Variants in TANC2 observed in about 807,000 individuals in gnomAD.
TANC2 encodes the protein tetratricopeptide repeat, ankyrin repeat and coiled-coil containing 2, also known as protein TANC2.
Under a neutral mutation model 210.5 loss-of-function variants are expected in TANC2, and 26 were observed. That is an observed-to-expected ratio of 0.12 (90% CI 0.09 to 0.17). The LOEUF is 0.17. Among genes scored for constraint, TANC2 ranks in the 10% least tolerant of loss-of-function variants. TANC2 has a pLI of 1.00. For synonymous variants in TANC2, 931 were observed against 967.1 expected, an observed-to-expected ratio of 0.96 and a Z score of 0.69; for missense variants, 2,129 against 2,608.9, an observed-to-expected ratio of 0.82 and a Z score of 4.01.
rs191216120 is a variant in TANC2, at chr17:63,186,845, A to T, written c.434-7146A>T. Among the ~76,000 whole-genome samples the T allele has an allele frequency of 3.0e-3, 458 of 152,334 alleles. 1 individual carries two copies. The highest frequency in any genetic ancestry group is 0.011 in the African/African-American group (440 of 41,578). ...AATTTAAATAGTTTTAATCAGCATA[A>T]TGCATGAGTGCTGTATGATTTATTT... On this transcript the variant is annotated intron_variant, in intron 5 of 27. Transcript: ENST00000689528.
chr17:63,237,967 C>A, exon 8 of TANC2: 1 of 1,587,308 alleles, frequency 6.3e-7, no homozygotes, highest in Non-Finnish European at 8.6e-7. Flanking sequence ...AACATGACTG[C>A]TTCCACCTAT....
intron 3 of TANC2, among the ~76,000 whole-genome samples, chr17:63,076,809 T>C (rs552925942): frequency 2.7e-4 from 41 of 152,188 alleles, no homozygotes; most frequent in African/African-American, 9.4e-4. Context: ...AAAAGCTTCG[T>C]AGAATTATCA....
intron 2 of TANC2, among the ~76,000 whole-genome samples, chr17:63,061,411 G>T (rs538014774): frequency 3.3e-5 from 5 of 151,958 alleles, no homozygotes; most frequent in Non-Finnish European, 7.4e-5. Flanking sequence ...TTACATGATA[G>T]TTTTGCTTAA....
At chr17:63,185,631 C>G (rs1346130048) in intron 5 of TANC2, among the ~76,000 whole-genome samples, 1 of 152,194 alleles carries the variant, frequency 6.6e-6, no homozygotes, top group African/African-American at 2.4e-5. Flanking sequence ...ATCAGCACAG[C>G]AGTGTTTCAG....
intron 17 of TANC2, among the ~76,000 whole-genome samples, chr17:63,394,213 T>C (rs1421989737): frequency 3.9e-5 from 6 of 152,248 alleles, no homozygotes; most frequent in Admixed American, 2.6e-4. Context: ...TTTATTGATA[T>C]TGCTATGAAG....
At chr17:63,178,875 A>G (rs2040682706) in intron 5 of TANC2, among the ~76,000 whole-genome samples, 1 of 152,220 alleles carries the variant, frequency 6.6e-6, no homozygotes, top group African/African-American at 2.4e-5. Flanking sequence ...ATTTGGATAC[A>G]TTGGCTATTA....
intron 4 of TANC2, among the ~76,000 whole-genome samples, chr17:63,146,691 A>C (rs1206698195): frequency 6.6e-6 from 1 of 152,158 alleles, no homozygotes; most frequent in Non-Finnish European, 1.5e-5. Flanking sequence ...TACTAAAGAC[A>C]ATACCTCAGT....
At chr17:63,009,099 T>G (rs918549764) in intron 1 of TANC2, among the ~76,000 whole-genome samples, 14 of 152,104 alleles carry the variant, frequency 9.2e-5, no homozygotes, top group African/African-American at 3.4e-4. Flanking sequence ...TAAACATAGT[T>G]AATTATCTTT....
chr17:63,087,011 G>T (rs369724803), intron 3 of TANC2, among the ~76,000 whole-genome samples: 16 of 152,294 alleles, frequency 1.1e-4, no homozygotes, highest in African/African-American at 3.9e-4. Flanking sequence ...GTCCCTTTCT[G>T]TGCTGTGGAA....
intron 8 of TANC2, among the ~76,000 whole-genome samples, chr17:63,254,020 A>G (rs1471634248): frequency 6.6e-6 from 1 of 152,100 alleles, no homozygotes; most frequent in Non-Finnish European, 1.5e-5. Flanking sequence ...TTCTATTTCT[A>G]TAAAGAATGT....
intron 4 of TANC2, among the ~76,000 whole-genome samples, chr17:63,105,028 A>G (rs868561562): frequency 6.6e-6 from 1 of 151,620 alleles, no homozygotes; most frequent in African/African-American, 2.4e-5. Flanking sequence ...CTAAATTATT[A>G]TTATAGTTTC....
rs201832911 is a variant in TANC2, at chr17:63,421,792, G to A, written c.6062G>A (p.Arg2021Gln). The change falls in exon 28 of 28, where the codon CGA becomes CAA. Residue 2021 changes from arginine (R) to glutamine (Q), a missense_variant. Coordinates refer to ENST00000689528, the Ensembl canonical transcript of TANC2. The surrounding 1 kb of genome is among the most constrained non-coding windows in gnomAD (Gnocchi z 6.9). ...GGGTCTCGTGGAGACCTCTTGGAGC[G>A]AGTCAGCCAGGCCTCCTCCTATCCC... The A allele has an allele frequency of 1.7e-5, 27 of 1,614,022 alleles. No individual in the cohort carries two copies. Among genetic ancestry groups the A allele is most frequent in the Admixed American group, 5.0e-5 (3 of 60,024 alleles).
At chr17:63,414,797 G>T (rs1207197100) in intron 25 of TANC2, among the ~76,000 whole-genome samples, 1 of 152,184 alleles carries the variant, frequency 6.6e-6, no homozygotes, top group African/African-American at 2.4e-5. Context: ...CATCTTTCTG[G>T]TCTCAGCTTA....
At chr17:63,320,583 C>T (rs796122929) in intron 11 of TANC2, 23 of 152,280 alleles carry the variant, frequency 1.5e-4, no homozygotes, top group African/African-American at 5.3e-4. Context: ...ATTTGTTTGA[C>T]ACAGTATATC....
intron 5 of TANC2, among the ~76,000 whole-genome samples, chr17:63,174,427 G>A (rs564000157): frequency 2.0e-5 from 3 of 152,120 alleles, no homozygotes; most frequent in Admixed American, 1.3e-4. Context: ...TTGCTCCTAC[G>A]AACATTAAAG....
At chr17:63,351,448 G>T in intron 13 of TANC2, 32 bp downstream of exon 13, 1 of 1,530,060 alleles carries the variant, frequency 6.5e-7, no homozygotes, top group South Asian at 1.3e-5. Flanking sequence ...AACCATAAAT[G>T]ATTCCTCTTG....
intron 7 of TANC2, among the ~76,000 whole-genome samples, chr17:63,234,748 C>A (rs1047699572): frequency 2.0e-5 from 3 of 152,026 alleles, no homozygotes; most frequent in Non-Finnish European, 2.9e-5. Flanking sequence ...AGTTAAGGAA[C>A]AACATAAGAT....
chr17:63,167,715 G>C (rs1216614790), intron 5 of TANC2, among the ~76,000 whole-genome samples: 1 of 151,666 alleles, frequency 6.6e-6, no homozygotes, highest in African/African-American at 2.4e-5. Flanking sequence ...AAATTAATAA[G>C]AATCAAAGAT....
At chr17:63,052,810 C>T (rs1009172127) in intron 2 of TANC2, among the ~76,000 whole-genome samples, 2 of 152,194 alleles carry the variant, frequency 1.3e-5, no homozygotes, top group African/African-American at 2.4e-5. Flanking sequence ...AACACAAATA[C>T]AGTAAATAAT....
Sources: gnomAD v4.1 joint callset for allele counts (sites outside exome capture counted in the v4.1 genomes callset) on GRCh38, gnomAD v4.1.1 for gene constraint, Gnocchi (gnomAD v3.1) non-coding constraint, MANE v1.5 for transcripts, NCBI Gene and HGNC (gene_info 2026-07-23, HGNC 2026-07-21) for gene names.